The following ACACB variants were observed in gnomAD, a reference collection of about 807,000 sequenced individuals.
ACACB encodes acetyl-CoA carboxylase 2.
ACACB carries 209 observed loss-of-function variants against 278.8 expected under a neutral mutation model. The observed-to-expected ratio is 0.75, with a 90% confidence interval of 0.67 to 0.84. The LOEUF is 0.84. Ranked by LOEUF, ACACB falls within the 40% of genes least tolerant of loss-of-function variation. The pLI, the probability that ACACB is intolerant of heterozygous loss-of-function variation, is 0.00. For synonymous variants in ACACB, 1,174 were observed against 1,285.6 expected (o/e 0.91, Z 1.86); for missense variants, 2,850 against 3,269.0 (o/e 0.87, Z 3.13).
rs34863094 is a variant in ACACB at position 109,152,640 on chromosome 12, C to CTTTTTTTTTT, written c.653+12598_653+12607dup. ...GCCTGTGCCTTTTCTTTCTTTCTTTCTTTTTTTTTTTTTTTTTTTTTTTTT... is the reference window on the plus strand; with the variant it reads ...GCCTGTGCCTTTTCTTTCTTTCTTTCTTTTTTTTTTTTTTTTTTTTTTTTTTTTTTTTTTT... On this transcript the variant is annotated intron_variant, in intron 2 of 52. Transcript: ENST00000338432. Among the ~76,000 whole-genome samples the CTTTTTTTTTT allele has an allele frequency of 2.4e-3, 183 of 74,810 alleles. 2 individuals carry two copies. Among genetic ancestry groups the CTTTTTTTTTT allele is most frequent in the Non-Finnish European group, 3.6e-3 (141 of 39,540 alleles). The allele number at this position is 74,810 out of a possible 152,430, so 49.1% of individuals were successfully genotyped here.
At chr12:109,162,374 CT>C (rs2043756361) in intron 2 of ACACB, among the ~76,000 whole-genome samples, 1 of 152,114 alleles carries the variant, frequency 6.6e-6, no homozygotes, top group Non-Finnish European at 1.5e-5. Context: ...TTGGGGACCC[CT>C]GGCCATCTGT....
chr12:109,133,232 A>G (rs1463916312), intron 1 of ACACB, among the ~76,000 whole-genome samples: 2 of 143,868 alleles, frequency 1.4e-5, no homozygotes, highest in Admixed American at 6.9e-5. Context: ...TTTATGCTGC[A>G]CTTCTCTTTC....
intron 21 of ACACB, among the ~76,000 whole-genome samples, chr12:109,210,994 T>C (rs551192183): frequency 1.3e-5 from 2 of 151,932 alleles, no homozygotes; most frequent in African/African-American, 4.8e-5. Context: ...GTAAGAAATA[T>C]CTCTGTTATT....
intron 2 of ACACB, among the ~76,000 whole-genome samples, chr12:109,155,402 T>C (rs192934482): frequency 4.3e-4 from 65 of 152,342 alleles, no homozygotes; most frequent in Admixed American, 3.8e-3. Context: ...TTTGTAGCTC[T>C]ACCTACTTGG....
chr12:109,179,474 G>A (rs2044390786), intron 10 of ACACB, 177 bp downstream of exon 10: 3 of 662,254 alleles, frequency 4.5e-6, no homozygotes, highest in Admixed American at 2.7e-5. Flanking sequence ...TAGCCGGTCT[G>A]TGAACTCCCC....
chr12:109,242,327 G>A, intron 36 of ACACB, 110 bp from the exon 37 acceptor site: 1 of 1,252,614 alleles, frequency 8.0e-7, no homozygotes, highest in East Asian at 2.4e-5. Flanking sequence ...CATGCCATGT[G>A]ACATGCTTTG....
intron 49 of ACACB, 176 bp from the exon 50 acceptor site, chr12:109,264,056 G>A: frequency 1.3e-6 from 1 of 763,136 alleles, no homozygotes; most frequent in East Asian, 2.6e-5. Flanking sequence ...CTAGGGGGCT[G>A]AGGGCAGCCT....
intron 2 of ACACB, among the ~76,000 whole-genome samples, chr12:109,158,756 C>T (rs1225979730): frequency 6.6e-6 from 1 of 152,062 alleles, no homozygotes; most frequent in African/African-American, 2.4e-5. Flanking sequence ...GGCAGATCGC[C>T]CTGAGGTCAG....
chr12:109,126,069 C>T (rs1446811171), intron 1 of ACACB, among the ~76,000 whole-genome samples: 1 of 152,136 alleles, frequency 6.6e-6, no homozygotes, highest in Admixed American at 6.6e-5. Context: ...TCAGGAAATA[C>T]CTGCTGATGA....
At chr12:109,197,720 G>A (rs550885391) in intron 17 of ACACB, among the ~76,000 whole-genome samples, 5 of 152,082 alleles carry the variant, frequency 3.3e-5, no homozygotes, top group Admixed American at 6.6e-5. Flanking sequence ...AAGATGCCCC[G>A]CCTCCAGTGT....
chr12:109,217,461 G>A (rs1003123299), intron 24 of ACACB, among the ~76,000 whole-genome samples: 16 of 152,072 alleles, frequency 1.1e-4, no homozygotes, highest in African/African-American at 3.6e-4. Flanking sequence ...GAGCCTAGGA[G>A]TTCAAGTCCA....
At position 109,253,168 on chromosome 12, in the gene ACACB, T is replaced by C; in HGVS notation, c.6045+10T>C. On this transcript the variant is annotated intron_variant, in intron 43 of 52. Transcript: ENST00000338432. ...GTCCTATATGCCAAAGGTGCAGTAC[T>C]CCCCCTGCAGCTTAGAACCTGGAAG... 3.9e-6 allele frequency: 6 copies of C among 1,546,902 alleles called. No individual in the cohort carries two copies. Among genetic ancestry groups the C allele is most frequent in the East Asian group, 2.3e-5 (1 of 43,686 alleles).
intron 41 of ACACB, among the ~76,000 whole-genome samples, chr12:109,251,371 A>C (rs2047090417): frequency 6.6e-6 from 1 of 152,236 alleles, no homozygotes; most frequent in Non-Finnish European, 1.5e-5. Flanking sequence ...AGCAGCAGGA[A>C]TAATAGTACT....
chr12:109,123,070 A>G (rs894879829), intron 1 of ACACB, among the ~76,000 whole-genome samples: 1 of 151,586 alleles, frequency 6.6e-6, no homozygotes, highest in African/African-American at 2.4e-5. Context: ...AGTCCCAGCT[A>G]CTCAGGAGGT....
chr12:109,156,734 C>T (rs1204094474), intron 2 of ACACB, among the ~76,000 whole-genome samples: 3 of 151,982 alleles, frequency 2.0e-5, no homozygotes, highest in East Asian at 3.9e-4. Context: ...ATGCATAAGG[C>T]CTGCAACTGG....
intron 21 of ACACB, among the ~76,000 whole-genome samples, chr12:109,210,182 T>TAC (rs376485526): frequency 0.025 from 863 of 34,102 alleles, 118 homozygotes; most frequent in Non-Finnish European, 0.045. Context: ...TATGTATATA[T>TAC]ACACACGTGT....
chr12:109,175,541 G>A (rs139811082), intron 7 of ACACB, among the ~76,000 whole-genome samples: 2 of 151,952 alleles, frequency 1.3e-5, no homozygotes, highest in East Asian at 1.9e-4. Flanking sequence ...TCAGCCTCCC[G>A]AGTAGCTGGG....
chr12:109,163,776 A>T (rs1027379116), intron 2 of ACACB, among the ~76,000 whole-genome samples: 1 of 152,090 alleles, frequency 6.6e-6, no homozygotes, highest in African/African-American at 2.4e-5. Flanking sequence ...CAGCCTCTCA[A>T]GTAGCTGGGA....
In ACACB at chr12:109,264,354, C is replaced by A; in HGVS notation, c.6910C>A (p.Pro2304Thr). ...GCAGTTCGCCGACTTCCATGACACA[C>A]CCGGCCGGATGCTGGAGAAGGGCGT... ...AVQFADFHDT[P>T]GRMLEKGVIS... The change falls in exon 50 of 53, where the codon CCC becomes ACC. Residue 2304 changes from proline (P) to threonine (T), a missense_variant. Transcript: ENST00000338432. The A allele has an allele frequency of 6.2e-7, 1 of 1,614,084 alleles. No homozygotes were observed.
Sources: allele counts gnomAD v4.1 joint callset (sites outside exome capture counted in the v4.1 genomes callset), GRCh38; gene constraint gnomAD v4.1.1; transcripts MANE v1.5; gene names NCBI Gene and HGNC (gene_info 2026-07-23, HGNC 2026-07-21).